Variants in BBS9 observed in about 807,000 individuals in gnomAD.
BBS9 encodes Bardet-Biedl syndrome 9.
In BBS9, 89 loss-of-function variants were observed where a neutral mutation model predicts 117.7. The ratio of observed to expected loss-of-function variants is 0.76; its 90% CI spans 0.64 to 0.90. The LOEUF is 0.90. BBS9 is among the 40% of genes least tolerant of loss of function. The pLI, the probability that BBS9 is intolerant of heterozygous loss-of-function variation, is 0.00. For missense variants in BBS9, 982 were observed against 1,042.2 expected (o/e 0.94, Z 0.80); for synonymous variants, 379 against 370.9 (o/e 1.02, Z -0.25).
At chr7:33,185,211 T>C (rs1798649789) in intron 5 of BBS9, among the ~76,000 whole-genome samples, 1 of 152,204 alleles carries the variant, frequency 6.6e-6, no homozygotes, top group Non-Finnish European at 1.5e-5. Flanking sequence ...TCTTTGTGAC[T>C]GTACCTTGTG....
At chr7:33,547,235 A>G (rs1419488849) in intron 21 of BBS9, among the ~76,000 whole-genome samples, 1 of 152,200 alleles carries the variant, frequency 6.6e-6, no homozygotes, top group Non-Finnish European at 1.5e-5. Flanking sequence ...AAGGTCAGGA[A>G]GGATCTGTCT....
At chr7:33,612,777 C>T (rs1309581091) in intron 21 of BBS9, among the ~76,000 whole-genome samples, 5 of 152,024 alleles carry the variant, frequency 3.3e-5, no homozygotes, top group Non-Finnish European at 7.4e-5. Context: ...GGTCAGGGTT[C>T]ATTCTATTTT....
intron 6 of BBS9, among the ~76,000 whole-genome samples, chr7:33,263,945 A>G (rs1798378593): frequency 6.6e-6 from 1 of 151,970 alleles, no homozygotes; most frequent in South Asian, 2.1e-4. Flanking sequence ...TGCTTTGCAT[A>G]TTTACATTTT....
At chr7:33,505,248 G>A (rs1845974360) in intron 19 of BBS9, among the ~76,000 whole-genome samples, 1 of 146,344 alleles carries the variant, frequency 6.8e-6, no homozygotes, top group Non-Finnish European at 1.5e-5. Context: ...TTCCACTTCT[G>A]GCCATATGGA....
At chr7:33,542,801 AC>A (rs1852598080) in intron 21 of BBS9, among the ~76,000 whole-genome samples, 1 of 32,776 alleles carries the variant, frequency 3.1e-5, no homozygotes, top group South Asian at 1.9e-3. Context: ...ACACACACAC[AC>A]ACACACACAC....
At chr7:33,176,831 A>G (rs1168677017) in intron 4 of BBS9, among the ~76,000 whole-genome samples, 1 of 152,180 alleles carries the variant, frequency 6.6e-6, no homozygotes, top group Non-Finnish European at 1.5e-5. Context: ...CTCTATATGT[A>G]TAAAATACAG....
chr7:33,264,527 T>C (rs1798488495), intron 7 of BBS9, among the ~76,000 whole-genome samples, 153 bp downstream of exon 7: 1 of 152,104 alleles, frequency 6.6e-6, no homozygotes, highest in South Asian at 2.1e-4. Context: ...AAGAATTGAG[T>C]TGGTTGTTGT....
At chr7:33,594,016 C>T (rs1475655455) in intron 21 of BBS9, among the ~76,000 whole-genome samples, 1 of 152,222 alleles carries the variant, frequency 6.6e-6, no homozygotes, top group East Asian at 1.9e-4. Flanking sequence ...ACTTGGACAC[C>T]TATCATTATT....
chr7:33,321,936 G>T (rs982610408), intron 9 of BBS9, among the ~76,000 whole-genome samples: 2 of 151,914 alleles, frequency 1.3e-5, no homozygotes, highest in Non-Finnish European at 2.9e-5. Context: ...ATGAAAGGAT[G>T]TTGAATTTTA....
intron 9 of BBS9, among the ~76,000 whole-genome samples, chr7:33,320,320 C>T (rs1239238833): frequency 6.6e-6 from 1 of 152,158 alleles, no homozygotes; most frequent in Non-Finnish European, 1.5e-5. Context: ...TTAGCACCCA[C>T]AAATAAGCAA....
At chr7:33,255,723 G>C (rs147178333) in intron 5 of BBS9, among the ~76,000 whole-genome samples, 130 of 152,300 alleles carry the variant, frequency 8.5e-4, no homozygotes, top group Middle Eastern at 3.4e-3. Flanking sequence ...AGGTTTGCCA[G>C]ATAGCTAGAT....
chr7:33,298,223 T>A (rs1805664730), intron 9 of BBS9, among the ~76,000 whole-genome samples: 1 of 152,078 alleles, frequency 6.6e-6, no homozygotes, highest in Non-Finnish European at 1.5e-5. Flanking sequence ...GTTGGGGTAT[T>A]ATAAAGGTTA....
chr7:33,426,473 A>G (rs1433761833), intron 19 of BBS9, among the ~76,000 whole-genome samples: 1 of 152,190 alleles, frequency 6.6e-6, no homozygotes, highest in Non-Finnish European at 1.5e-5. Flanking sequence ...CTTGTACAAG[A>G]GAGAATGATG....
At chr7:33,624,074 C>G (rs895540801) in intron 21 of BBS9, among the ~76,000 whole-genome samples, 5 of 152,022 alleles carry the variant, frequency 3.3e-5, no homozygotes, top group Non-Finnish European at 7.4e-5. Context: ...CGACATGCCT[C>G]TAATTTCCCT....
intron 10 of BBS9, 134 bp downstream of exon 10, chr7:33,336,756 A>G: frequency 1.5e-6 from 1 of 679,134 alleles, no homozygotes; most frequent in Non-Finnish European, 2.5e-6. Flanking sequence ...TAAAAACAGT[A>G]TTGCTCTTTA....
intron 17 of BBS9, among the ~76,000 whole-genome samples, chr7:33,383,346 A>G (rs1410735022): frequency 6.6e-6 from 1 of 152,066 alleles, no homozygotes; most frequent in African/African-American, 2.4e-5. Flanking sequence ...TTTTCTTTTT[A>G]AGTACAGGCC....
At chr7:33,574,957 T>G (rs1421549122) in intron 21 of BBS9, among the ~76,000 whole-genome samples, 2 of 152,056 alleles carry the variant, frequency 1.3e-5, no homozygotes, top group Non-Finnish European at 2.9e-5. Flanking sequence ...TTGGGCTTCT[T>G]GCTTACGATT....
chr7:33,546,648 A>T, intron 21 of BBS9, among the ~76,000 whole-genome samples: 1 of 152,162 alleles, frequency 6.6e-6, no homozygotes, highest in East Asian at 1.9e-4. Context: ...TATTCTCCAC[A>T]CACAACATGC....
chr7:33,359,233 G>A (rs912957048), intron 16 of BBS9, among the ~76,000 whole-genome samples: 5 of 151,926 alleles, frequency 3.3e-5, no homozygotes, highest in African/African-American at 1.2e-4. Context: ...GAAATTATAT[G>A]TTGAACACCA....
Sources: gnomAD v4.1 joint callset for allele counts (sites outside exome capture counted in the v4.1 genomes callset) on GRCh38, gnomAD v4.1.1 for gene constraint, MANE v1.5 for transcripts, NCBI Gene and HGNC (gene_info 2026-07-23, HGNC 2026-07-21) for gene names.